The following LAMP1 variants were observed in gnomAD, a reference collection of about 807,000 sequenced individuals.
LAMP1 encodes the protein lysosome associated membrane protein 1, also known as lysosome-associated membrane glycoprotein 1.
LAMP1 carries 7 observed loss-of-function variants against 37.5 expected under a neutral mutation model. That is an observed-to-expected ratio of 0.19 (90% CI 0.11 to 0.35). LAMP1 has a LOEUF of 0.35. Ranked by LOEUF, LAMP1 falls within the 10% of genes least tolerant of loss-of-function variation. LAMP1 has a pLI of 1.00. For synonymous variants in LAMP1, 236 were observed against 229.1 expected (o/e 1.03, Z -0.27); for missense variants, 537 against 552.8 (o/e 0.97, Z 0.29).
intron 1 of LAMP1, among the ~76,000 whole-genome samples, chr13:113,298,182 G>T (rs1362755560): frequency 6.6e-6 from 1 of 152,232 alleles, no homozygotes; most frequent in East Asian, 1.9e-4. Context: ...TGTCTAGTAA[G>T]TAGTTTAAAG....
chr13:113,301,880 T>G (rs2042576583), intron 1 of LAMP1, among the ~76,000 whole-genome samples: 1 of 47,692 alleles, frequency 2.1e-5, no homozygotes. Context: ...TTTTTTTTTT[T>G]GAGACGGAGT....
intron 4 of LAMP1, among the ~76,000 whole-genome samples, chr13:113,312,562 G>A (rs1317248914): frequency 1.3e-5 from 2 of 152,212 alleles, no homozygotes; most frequent in East Asian, 3.8e-4. Flanking sequence ...ATGGGGCCAC[G>A]TGGGCTCCCA....
chr13:113,322,233 C>A, intron 8 of LAMP1, 49 bp from the exon 9 acceptor site: 1 of 1,560,310 alleles, frequency 6.4e-7, no homozygotes, highest in Non-Finnish European at 8.7e-7. Flanking sequence ...GGCCTGTTTG[C>A]AGGCCCCTGT....
In LAMP1 at chr13:113,321,551, TTGCAGACC is replaced by T; in HGVS notation, c.944-5_946del. The T allele has an allele frequency of 6.2e-7, 1 of 1,614,108 alleles. No individual in the cohort carries two copies. Among genetic ancestry groups the T allele is most frequent in the Non-Finnish European group, 8.5e-7 (1 of 1,180,010 alleles). ...TGGAGCCACTAGACCTCTGTGTGTGTTGCAGACCCTGCCTTTAAAGCTGCCAACGGCTC... is the reference window on the plus strand; with the variant it reads ...TGGAGCCACTAGACCTCTGTGTGTGTCTGCCTTTAAAGCTGCCAACGGCTC... On this transcript the variant is annotated splice_acceptor_variant and splice_polypyrimidine_tract_variant and coding_sequence_variant and intron_variant, in exon 8 of 9. Coordinates refer to ENST00000332556, the MANE Select transcript of LAMP1 (RefSeq NM_005561.4). LOFTEE classifies it high-confidence loss of function. The surrounding 1 kb of genome is among the most constrained non-coding windows in gnomAD (Gnocchi z 5.6).
rs1461051550 is a variant in LAMP1 at position 113,309,837 on chromosome 13, C to G, written c.378C>G (p.His126Gln). 2 of 1,613,186 alleles carry G rather than the reference C, an allele frequency of 1.2e-6. No individual in the cohort carries two copies. Among genetic ancestry groups the G allele is most frequent in the Admixed American group, 3.3e-5 (2 of 60,010 alleles). ...TTGTTTATAACTTGTCAGACACACA[C>G]CTTTTCCCCAATGCGAGCTCCAAAG... ...MSFVYNLSDT[H>Q]LFPNASSKEI... The change falls in exon 3 of 9, where the codon CAC becomes CAG. Residue 126 changes from histidine (H) to glutamine (Q), a missense_variant. Coordinates refer to ENST00000332556, the MANE Select transcript of LAMP1 (RefSeq NM_005561.4).
At chr13:113,307,078 A>G (rs2042603532) in intron 2 of LAMP1, among the ~76,000 whole-genome samples, 2 of 151,068 alleles carry the variant, frequency 1.3e-5, no homozygotes, top group South Asian at 4.2e-4. Context: ...TGACCTCGTG[A>G]TCCACCCGCC....
intron 4 of LAMP1, among the ~76,000 whole-genome samples, chr13:113,313,878 T>G (rs1265427644): frequency 8.6e-6 from 1 of 116,506 alleles, no homozygotes; most frequent in African/African-American, 4.9e-5. Flanking sequence ...GCCTGGGGCA[T>G]GGCCTCCTGG....
chr13:113,309,831 C>T lies in LAMP1; in HGVS notation c.372C>T (p.Asp124=). ...QLMSFVYNLS[D]THLFPNASSK... is the part of the protein sequence containing the mutation. Reference sequence around the variant, plus strand: ...TGAGTTTTGTTTATAACTTGTCAGACACACACCTTTTCCCCAATGCGAGCT... The same window carrying T: ...TGAGTTTTGTTTATAACTTGTCAGATACACACCTTTTCCCCAATGCGAGCT... The change falls in exon 3 of 9, where the codon GAC becomes GAT. Residue 124 remains aspartate (D), a synonymous_variant. Coordinates refer to ENST00000332556, the MANE Select transcript of LAMP1 (RefSeq NM_005561.4). 6.2e-7 allele frequency: 1 copy of T among 1,613,422 alleles called. No homozygotes were observed.
Position 113,320,578 on chromosome 13 carries a change from AC to A in LAMP1, c.876+109del, listed in dbSNP as rs780586357. 58 of 1,217,772 alleles carry A rather than the reference AC, an allele frequency of 4.8e-5. No homozygotes were observed. The highest frequency in any genetic ancestry group is 6.2e-5 in the Non-Finnish European group (55 of 882,874). 75.4% of individuals were successfully genotyped at this position (1,217,772 alleles called of 1,614,324 possible). On this transcript the variant is annotated intron_variant, in intron 6 of 8. Coordinates refer to ENST00000332556, the MANE Select transcript of LAMP1 (RefSeq NM_005561.4). The surrounding 1 kb of genome is among the most constrained non-coding windows in gnomAD (Gnocchi z 4.4). ...GCAGCGTTAGGAAGGAGGCGGCCTCACTTTTTTCTGCCTTCCCTTTATCCTG... is the reference window on the plus strand; with the variant it reads ...GCAGCGTTAGGAAGGAGGCGGCCTCATTTTTTCTGCCTTCCCTTTATCCTG...
chr13:113,309,914 A>T (rs770057675), intron 3 of LAMP1, 52 bp downstream of exon 3: 1 of 1,459,974 alleles, frequency 6.8e-7, no homozygotes, highest in South Asian at 1.2e-5. Context: ...GGGTTGGAGG[A>T]TTGTCTAAAG....
Position 113,321,859 on chromosome 13 carries a change from C to A in LAMP1, c.1114+132C>A. 1.1e-6 allele frequency: 1 copy of A among 897,102 alleles called. No individual in the cohort carries two copies. Among genetic ancestry groups the A allele is most frequent in the Non-Finnish European group, 1.7e-6 (1 of 596,236 alleles). 55.6% of individuals were successfully genotyped at this position (897,102 alleles called of 1,614,324 possible). On this transcript the variant is annotated intron_variant, in intron 8 of 8. Transcript: ENST00000332556. This position sits in a 1 kb window ranked among gnomAD's most constrained non-coding sequence, Gnocchi z 5.6. ...CTCTGCAAGGAGCTGTTTCTTCTTG[C>A]CGGTCTGAGATTCTAGAGGTAACTC...
intron 1 of LAMP1, among the ~76,000 whole-genome samples, chr13:113,298,180 A>G (rs564875443): frequency 6.6e-6 from 1 of 152,302 alleles, no homozygotes; most frequent in South Asian, 2.1e-4. Flanking sequence ...CATGTCTAGT[A>G]AGTAGTTTAA....
chr13:113,321,568 A>G lies in LAMP1; in HGVS notation c.955A>G (p.Lys319Glu). 6.2e-7 allele frequency: 1 copy of G among 1,613,874 alleles called. No individual in the cohort carries two copies. The change falls in exon 8 of 9, where the codon AAA becomes GAA. Residue 319 changes from lysine (K) to glutamate (E), a missense_variant. Coordinates refer to ENST00000332556, the MANE Select transcript of LAMP1 (RefSeq NM_005561.4). This position sits in a 1 kb window ranked among gnomAD's most constrained non-coding sequence, Gnocchi z 5.6. ...ILPDARDPAF[K>E]AANGSLRALQ... ...TGTGTGTGTTGCAGACCCTGCCTTT[A>G]AAGCTGCCAACGGCTCCCTGCGAGC...
intron 4 of LAMP1, 83 bp from the exon 5 acceptor site, chr13:113,319,386 T>G: frequency 7.8e-7 from 1 of 1,281,852 alleles, no homozygotes; most frequent in South Asian, 1.4e-5. Context: ...CAGATGTAGT[T>G]TTGTTTCTGA....
At chr13:113,315,579 G>A (rs1252487187) in intron 4 of LAMP1, among the ~76,000 whole-genome samples, 2 of 151,058 alleles carry the variant, frequency 1.3e-5, no homozygotes, top group East Asian at 4.0e-4. Context: ...TAGTAGAGGG[G>A]GGCGTTGCAC....
At chr13:113,314,445 C>T (rs2139369816) in intron 4 of LAMP1, among the ~76,000 whole-genome samples, 1 of 91,806 alleles carries the variant, frequency 1.1e-5, no homozygotes, top group African/African-American at 6.7e-5. Flanking sequence ...TGCCCGTGTG[C>T]CTGGGGCGTG....
chr13:113,300,706 T>C (rs1236380218), intron 1 of LAMP1, among the ~76,000 whole-genome samples: 3 of 151,848 alleles, frequency 2.0e-5, no homozygotes, highest in Non-Finnish European at 4.4e-5. Context: ...TAGTCCCAGT[T>C]ACTCAGGAGG....
rs989328490 is a variant in LAMP1 at position 113,321,571 on chromosome 13, G to T, written c.958G>T (p.Ala320Ser). 1.9e-6 allele frequency: 3 copies of T among 1,614,130 alleles called. No individual in the cohort carries two copies. Among genetic ancestry groups the T allele is most frequent in the African/African-American group, 2.7e-5 (2 of 75,030 alleles). ...LPDARDPAFK[A>S]ANGSLRALQA... ...GTGTGTTGCAGACCCTGCCTTTAAA[G>T]CTGCCAACGGCTCCCTGCGAGCGCT... The change falls in exon 8 of 9, where the codon GCT becomes TCT. Residue 320 changes from alanine to serine, a missense_variant. Ala to Ser is a moderately conservative substitution (Grantham distance 99). Transcript: ENST00000332556. This position sits in a 1 kb window ranked among gnomAD's most constrained non-coding sequence, Gnocchi z 5.6.
intron 3 of LAMP1, 118 bp from the exon 4 acceptor site, chr13:113,310,591 T>C (rs2042625292): frequency 1.1e-6 from 1 of 928,220 alleles, no homozygotes; most frequent in Non-Finnish European, 1.6e-6. Context: ...TGATTTTTTT[T>C]TTTTAATCTA....
Sources: allele counts gnomAD v4.1 joint callset (sites outside exome capture counted in the v4.1 genomes callset), GRCh38; gene constraint gnomAD v4.1.1; non-coding constraint Gnocchi (gnomAD v3.1); transcripts MANE v1.5; gene names NCBI Gene and HGNC (gene_info 2026-07-23, HGNC 2026-07-21).